MAGI2: variants seen among roughly 807,000 people sequenced by gnomAD.
MAGI2 encodes membrane-associated guanylate kinase, WW and PDZ domain-containing protein 2.
MAGI2 carries 35 observed loss-of-function variants against 133.3 expected under a neutral mutation model. The observed-to-expected ratio is 0.26, with a 90% CI of 0.20 to 0.35. MAGI2 has a LOEUF of 0.35. Ranked by LOEUF, MAGI2 falls within the 10% of genes least tolerant of loss-of-function variation. The probability of loss-of-function intolerance (pLI) is 1.00; values close to 1 mark genes in which losing one functional copy is unlikely to be tolerated. For synonymous variants in MAGI2, 729 were observed against 710.6 expected (o/e 1.03, Z -0.41); for missense variants, 1,636 against 1,863.4 (o/e 0.88, Z 2.25).
chr7:78,032,023 T>C (rs1809638406), intron 21 of MAGI2, among the ~76,000 whole-genome samples: 1 of 151,366 alleles, frequency 6.6e-6, no homozygotes, highest in African/African-American at 2.4e-5. Flanking sequence ...TTTTTTTTTT[T>C]TTTTTTTTAC....
chr7:78,976,520 G>A (rs931426168), intron 2 of MAGI2, among the ~76,000 whole-genome samples: 1 of 151,374 alleles, frequency 6.6e-6, no homozygotes, highest in Admixed American at 6.6e-5. Flanking sequence ...GAGATTGGAT[G>A]CCTTCCCTCT....
At chr7:79,218,175 C>A (rs988711905) in intron 1 of MAGI2, among the ~76,000 whole-genome samples, 1 of 151,960 alleles carries the variant, frequency 6.6e-6, no homozygotes, top group African/African-American at 2.4e-5. Flanking sequence ...TACCTTGAGC[C>A]TGTCATTCCT....
intron 2 of MAGI2, among the ~76,000 whole-genome samples, chr7:78,642,907 T>G (rs902011484): frequency 2.0e-5 from 3 of 152,174 alleles, no homozygotes; most frequent in African/African-American, 7.2e-5. Context: ...CAAAATGTTC[T>G]AAAAATTTTT....
chr7:79,257,506 G>A (rs779710799), intron 1 of MAGI2, among the ~76,000 whole-genome samples: 2 of 152,090 alleles, frequency 1.3e-5, no homozygotes, highest in African/African-American at 4.8e-5. Flanking sequence ...AAACTCACTG[G>A]CTTAATTTAT....
intron 2 of MAGI2, among the ~76,000 whole-genome samples, chr7:78,810,497 G>C (rs1344080179): frequency 1.3e-5 from 2 of 152,126 alleles, no homozygotes; most frequent in Non-Finnish European, 2.9e-5. Context: ...AGAGTCCTCA[G>C]ATTATGAGAA....
chr7:78,389,007 T>A (rs1260692443), intron 6 of MAGI2, among the ~76,000 whole-genome samples: 1 of 152,186 alleles, frequency 6.6e-6, no homozygotes, highest in Non-Finnish European at 1.5e-5. Flanking sequence ...ATCAATCAGT[T>A]ATTGTTACTC....
At chr7:79,362,972 A>G (rs2129124596) in intron 1 of MAGI2, among the ~76,000 whole-genome samples, 1 of 151,892 alleles carries the variant, frequency 6.6e-6, no homozygotes, top group East Asian at 2.0e-4. Flanking sequence ...AGCAAAAGGA[A>G]CAAAAGGCAT....
At chr7:78,636,066 T>TA (rs1178790949) in intron 2 of MAGI2, among the ~76,000 whole-genome samples, 7 of 152,100 alleles carry the variant, frequency 4.6e-5, no homozygotes, top group Non-Finnish European at 5.9e-5. Flanking sequence ...TGGTTTGAGG[T>TA]AAAAAAATTA....
At chr7:78,037,872 G>A (rs900078045) in intron 21 of MAGI2, among the ~76,000 whole-genome samples, 5 of 152,100 alleles carry the variant, frequency 3.3e-5, no homozygotes, top group Non-Finnish European at 5.9e-5. Flanking sequence ...CATTTCTTTC[G>A]TTCAGTACCT....
chr7:78,559,868 T>A (rs1161142733), intron 3 of MAGI2, among the ~76,000 whole-genome samples: 1 of 152,168 alleles, frequency 6.6e-6, no homozygotes, highest in East Asian at 1.9e-4. Flanking sequence ...CACATATATT[T>A]GCCACCCACT....
intron 2 of MAGI2, among the ~76,000 whole-genome samples, chr7:78,788,510 GC>G (rs1827014726): frequency 6.6e-6 from 1 of 150,426 alleles, no homozygotes; most frequent in South Asian, 2.1e-4. Context: ...GCCTTTGACT[GC>G]CCTTTTTCTC....
At chr7:78,738,013 G>A (rs1822036746) in intron 2 of MAGI2, among the ~76,000 whole-genome samples, 2 of 151,998 alleles carry the variant, frequency 1.3e-5, no homozygotes, top group Admixed American at 1.3e-4. Flanking sequence ...ATAAATTTCA[G>A]AGATTGAAAT....
Position 78,603,455 on chromosome 7 carries a change from G to A in MAGI2, c.538+23665C>T, listed in dbSNP as rs533589311. On this transcript the variant is annotated intron_variant, in intron 3 of 21. Coordinates refer to ENST00000354212, the MANE Select transcript of MAGI2 (RefSeq NM_012301.4). ...GTATGAAGGCCACATTGAAAGAAGA[G>A]TGACCTTGAAATGGATTAAAACATT... Among the ~76,000 whole-genome samples, 4 of 152,308 alleles carry A rather than the reference G, an allele frequency of 2.6e-5. No individual in the cohort carries two copies. In the South Asian group the frequency reaches 6.2e-4, roughly 24 times the overall value.
At chr7:78,641,452 T>C (rs1810297288) in intron 2 of MAGI2, among the ~76,000 whole-genome samples, 1 of 152,214 alleles carries the variant, frequency 6.6e-6, no homozygotes, top group African/African-American at 2.4e-5. Context: ...AGCACAGCTG[T>C]GTTCTAACGA....
chr7:79,058,116 A>T (rs1813332198), intron 1 of MAGI2, among the ~76,000 whole-genome samples: 1 of 152,138 alleles, frequency 6.6e-6, no homozygotes, highest in South Asian at 2.1e-4. Context: ...GAAGAAGAAC[A>T]AAGAAGGAAC....
In MAGI2 at chr7:78,868,544, G is replaced by C. The variant is rs372855670; in HGVS notation, c.418+138546C>G. Among the ~76,000 whole-genome samples, 4 of 152,080 alleles carry C rather than the reference G, an allele frequency of 2.6e-5. No homozygotes were observed. The East Asian group carries it at 5.8e-4, about 22-fold the overall frequency. ...TTAGCTATTGTAAAAAAGGATGAGAGTATCTAATATAAAACCTTTTAAAGG... is the reference window on the plus strand; with the variant it reads ...TTAGCTATTGTAAAAAAGGATGAGACTATCTAATATAAAACCTTTTAAAGG... On this transcript the variant is annotated intron_variant, in intron 2 of 21. Coordinates refer to ENST00000354212, the MANE Select transcript of MAGI2 (RefSeq NM_012301.4).
intron 12 of MAGI2, among the ~76,000 whole-genome samples, chr7:78,193,039 GA>G (rs1426103455): frequency 1.3e-5 from 2 of 152,162 alleles, no homozygotes; most frequent in Non-Finnish European, 2.9e-5. Context: ...GTGAGGAGGG[GA>G]AAGGCAAGGA....
intron 2 of MAGI2, among the ~76,000 whole-genome samples, chr7:78,786,953 T>C (rs982110481): frequency 6.6e-5 from 10 of 151,928 alleles, no homozygotes; most frequent in Non-Finnish European, 1.2e-4. Context: ...GTTTCTTTCT[T>C]TCCTTTTTTT....
chr7:78,428,882 G>A (rs1172759592), intron 6 of MAGI2, among the ~76,000 whole-genome samples: 3 of 152,202 alleles, frequency 2.0e-5, no homozygotes, highest in Non-Finnish European at 2.9e-5. Flanking sequence ...AGACACAGTA[G>A]CTTAGTTCAG....
Sources: allele counts gnomAD v4.1 joint callset (sites outside exome capture counted in the v4.1 genomes callset), GRCh38; gene constraint gnomAD v4.1.1; transcripts MANE v1.5; gene names NCBI Gene and HGNC (gene_info 2026-07-23, HGNC 2026-07-21).